The following RNLS variants were observed in gnomAD, a reference collection of about 807,000 sequenced individuals.
RNLS encodes renalase.
RNLS carries 39 observed loss-of-function variants against 39.8 expected under a neutral mutation model. That is an observed-to-expected ratio of 0.98 (90% CI 0.76 to 1.28). The LOEUF (loss-of-function observed/expected upper bound fraction) is 1.28. Ranked by LOEUF, RNLS falls within the 50% of genes most tolerant of loss-of-function variation. The pLI is 0.00. For synonymous variants in RNLS, 147 were observed against 150.7 expected (o/e 0.98, Z 0.18); for missense variants, 410 against 413.3 (o/e 0.99, Z 0.07).
At chr10:88,439,478 T>C (rs1841591661) in intron 4 of RNLS, among the ~76,000 whole-genome samples, 2 of 152,160 alleles carry the variant, frequency 1.3e-5, no homozygotes, top group Admixed American at 6.5e-5. Context: ...AACATTTTTG[T>C]GAGTTAGGGT....
At chr10:88,202,414 G>A in the RNLS span, among the ~76,000 whole-genome samples, 12 of 152,050 alleles carry the variant, frequency 7.9e-5, no homozygotes, top group East Asian at 9.7e-4. Context: ...AAACCTGCAC[G>A]TTGTGCACAT....
chr10:88,392,872 C>T (rs1001864530), intron 4 of RNLS, among the ~76,000 whole-genome samples: 2 of 152,126 alleles, frequency 1.3e-5, no homozygotes, highest in Non-Finnish European at 2.9e-5. Context: ...GGATGCAAGG[C>T]TGGTTCAACA....
chr10:88,228,041 G>A, the RNLS span, among the ~76,000 whole-genome samples: 8 of 152,148 alleles, frequency 5.3e-5, no homozygotes, highest in Non-Finnish European at 7.4e-5. Context: ...GACTCACCTC[G>A]TGGCTTGTGT....
chr10:88,194,727 T>C, the RNLS span, among the ~76,000 whole-genome samples: 1 of 152,242 alleles, frequency 6.6e-6, no homozygotes, highest in African/African-American at 2.4e-5. Flanking sequence ...TATTGAAATC[T>C]GGATTTTTAA....
chr10:88,224,634 C>G, the RNLS span, among the ~76,000 whole-genome samples: 1 of 152,048 alleles, frequency 6.6e-6, no homozygotes, highest in Admixed American at 6.5e-5. Flanking sequence ...AAAGGAGCTT[C>G]GATTGGTATT....
intron 4 of RNLS, among the ~76,000 whole-genome samples, chr10:88,410,932 T>C (rs1340962605): frequency 6.6e-6 from 1 of 152,190 alleles, no homozygotes; most frequent in Non-Finnish European, 1.5e-5. Flanking sequence ...GGAATCTTTA[T>C]AAGAGAGTTA....
intron 5 of RNLS, among the ~76,000 whole-genome samples, chr10:88,354,088 T>C (rs936971652): frequency 6.6e-6 from 1 of 152,176 alleles, no homozygotes; most frequent in Non-Finnish European, 1.5e-5. Flanking sequence ...CTCCATCCCT[T>C]TATTTTGAGC....
the RNLS span, among the ~76,000 whole-genome samples, chr10:88,176,781 TC>T: frequency 1.3e-5 from 2 of 152,166 alleles, no homozygotes; most frequent in African/African-American, 4.8e-5. Flanking sequence ...GTAGGGACAG[TC>T]TTTTAATTTA....
intron 4 of RNLS, among the ~76,000 whole-genome samples, chr10:88,463,676 A>T (rs1843053596): frequency 6.6e-6 from 1 of 152,080 alleles, no homozygotes; most frequent in Admixed American, 6.6e-5. Context: ...ACTCATTTCT[A>T]AGTTTATGTA....
At chr10:88,408,363 T>C (rs942352444) in intron 4 of RNLS, among the ~76,000 whole-genome samples, 1 of 152,110 alleles carries the variant, frequency 6.6e-6, no homozygotes, top group Non-Finnish European at 1.5e-5. Flanking sequence ...CCAAAATTCA[T>C]ATGTTAGAAC....
chr10:88,310,707 A>G (rs1001968833), intron 6 of RNLS, among the ~76,000 whole-genome samples: 3 of 149,272 alleles, frequency 2.0e-5, no homozygotes, highest in Non-Finnish European at 4.4e-5. Context: ...TGAGAGGATC[A>G]CTTGAGCTCA....
chr10:88,437,400 C>T (rs560691180), intron 4 of RNLS, among the ~76,000 whole-genome samples: 60 of 152,230 alleles, frequency 3.9e-4, no homozygotes, highest in African/African-American at 1.4e-3. Flanking sequence ...ATTTATGGTA[C>T]AATTTATTTT....
intron 4 of RNLS, among the ~76,000 whole-genome samples, chr10:88,536,177 G>A (rs894178729): frequency 8.4e-5 from 12 of 143,682 alleles, no homozygotes; most frequent in African/African-American, 2.8e-4. Context: ...CTCCCTCACA[G>A]GGGTGTTATG....
intron 6 of RNLS, among the ~76,000 whole-genome samples, chr10:88,307,142 C>T (rs765414119): frequency 5.3e-5 from 8 of 152,114 alleles, no homozygotes; most frequent in South Asian, 4.1e-4. Flanking sequence ...GAAAAACTCT[C>T]GATAAACTAG....
At chr10:88,470,616 A>AT (rs1221803413) in intron 4 of RNLS, among the ~76,000 whole-genome samples, 1 of 79,880 alleles carries the variant, frequency 1.3e-5, no homozygotes. Flanking sequence ...TTGTAATTTT[A>AT]ATTTTTTTTT....
At chr10:88,203,261 T>TAC in the RNLS span, among the ~76,000 whole-genome samples, 2 of 14,258 alleles carry the variant, frequency 1.4e-4, 1 homozygote, top group East Asian at 2.5e-3. Flanking sequence ...TGTGTGTGTG[T>TAC]GTGTATGTAT....
chr10:88,254,104 AT>A, the RNLS span, among the ~76,000 whole-genome samples: 1 of 152,114 alleles, frequency 6.6e-6, no homozygotes, highest in East Asian at 1.9e-4. Flanking sequence ...ACATCTTCAC[AT>A]TTTTTAATGT....
At chr10:88,277,739 T>C (rs2132594830) in intron 6 of RNLS, among the ~76,000 whole-genome samples, 1 of 152,288 alleles carries the variant, frequency 6.6e-6, no homozygotes, top group South Asian at 2.1e-4. Flanking sequence ...TTCCATGCCT[T>C]AATGCATACC....
intron 4 of RNLS, among the ~76,000 whole-genome samples, chr10:88,516,757 A>G (rs1024808293): frequency 6.6e-5 from 10 of 152,066 alleles, no homozygotes; most frequent in African/African-American, 2.4e-4. Flanking sequence ...AAAATTAATT[A>G]TTGGACACCA....
Sources: gnomAD v4.1 joint callset for allele counts (sites outside exome capture counted in the v4.1 genomes callset) on GRCh38, gnomAD v4.1.1 for gene constraint, MANE v1.5 for transcripts, NCBI Gene and HGNC (gene_info 2026-07-23, HGNC 2026-07-21) for gene names.